Variants in PTPRR observed in about 807,000 individuals in gnomAD.
PTPRR encodes the protein protein tyrosine phosphatase receptor type R.
Under a neutral mutation model 77.2 loss-of-function variants are expected in PTPRR, and 38 were observed. The observed-to-expected ratio is 0.49, with a 90% CI of 0.38 to 0.65. The LOEUF (loss-of-function observed/expected upper bound fraction) is 0.65. Among genes scored for constraint, PTPRR ranks in the 30% least tolerant of loss-of-function variants. PTPRR has a pLI of 0.00. For missense variants in PTPRR, 744 were observed against 799.2 expected (o/e 0.93, Z 0.83); for synonymous variants, 299 against 283.1 (o/e 1.06, Z -0.57).
intron 2 of PTPRR, among the ~76,000 whole-genome samples, chr12:70,886,141 G>T (rs1332211247): frequency 6.6e-6 from 1 of 152,080 alleles, no homozygotes; most frequent in Non-Finnish European, 1.5e-5. Context: ...TTCCAGCATC[G>T]TCCTTGCTGC....
At chr12:70,775,136 TAG>T (rs1184964924) in intron 2 of PTPRR, among the ~76,000 whole-genome samples, 27 of 152,208 alleles carry the variant, frequency 1.8e-4, no homozygotes, top group African/African-American at 6.5e-4. Context: ...CATAATTTCA[TAG>T]AGTTACTACA....
intron 2 of PTPRR, among the ~76,000 whole-genome samples, chr12:70,806,528 C>A (rs1396921469): frequency 6.6e-6 from 1 of 152,106 alleles, no homozygotes; most frequent in Non-Finnish European, 1.5e-5. Flanking sequence ...GAAAGTTAAA[C>A]CATTTGTCAA....
At chr12:70,829,523 T>C (rs1480623370) in intron 2 of PTPRR, among the ~76,000 whole-genome samples, 1 of 152,216 alleles carries the variant, frequency 6.6e-6, no homozygotes, top group African/African-American at 2.4e-5. Context: ...TCATTGATGG[T>C]GGGATCTAAG....
chr12:70,800,334 G>A (rs909960034), intron 2 of PTPRR, among the ~76,000 whole-genome samples: 4 of 150,834 alleles, frequency 2.7e-5, no homozygotes, highest in South Asian at 2.1e-4. Flanking sequence ...TACAAAATGC[G>A]ATATGGTATC....
chr12:70,882,984 T>G (rs772597089), intron 2 of PTPRR, among the ~76,000 whole-genome samples: 10 of 152,162 alleles, frequency 6.6e-5, no homozygotes, highest in Non-Finnish European at 1.3e-4. Flanking sequence ...ATTTAAAAGA[T>G]AATGAAGGCT....
chr12:70,684,872 G>C, intron 8 of PTPRR, 89 bp from the exon 9 acceptor site: 1 of 817,682 alleles, frequency 1.2e-6, no homozygotes, highest in Non-Finnish European at 1.9e-6. Context: ...GTAGAAACCT[G>C]TTATGTATTG....
intron 2 of PTPRR, among the ~76,000 whole-genome samples, chr12:70,826,525 C>T (rs988554377): frequency 1.3e-5 from 2 of 152,176 alleles, no homozygotes; most frequent in African/African-American, 4.8e-5. Context: ...AAGAATCCAG[C>T]CCCATGACAG....
intron 8 of PTPRR, among the ~76,000 whole-genome samples, chr12:70,697,414 G>A (rs1176748985): frequency 6.6e-6 from 1 of 151,806 alleles, no homozygotes; most frequent in Non-Finnish European, 1.5e-5. Flanking sequence ...TGGGTTGTTT[G>A]TGTTTCTATT....
At chr12:70,754,698 G>GTAC (rs1565683636) in intron 4 of PTPRR, 1 of 1,595,136 alleles carries the variant, frequency 6.3e-7, no homozygotes, top group Admixed American at 1.7e-5. Context: ...ATTACGTGCT[G>GTAC]TACTACCTCT....
Position 70,879,556 on chromosome 12 carries a change from T to C in PTPRR, c.357+13123A>G, listed in dbSNP as rs1035913067. Among the ~76,000 whole-genome samples the C allele has an allele frequency of 2.6e-5, 4 of 152,334 alleles. No homozygotes were observed. In the East Asian group the frequency reaches 5.8e-4, roughly 22 times the overall value. ...AAGCTGCTCACATTAGGAAGGAGAA[T>C]TGGTCCCCAACATTAAGATTGGACT... is the stretch of plus-strand genomic sequence containing the variant. On this transcript the variant is annotated intron_variant, in intron 2 of 13. Transcript: ENST00000283228.
chr12:70,869,510 G>T (rs1030124546), intron 2 of PTPRR, among the ~76,000 whole-genome samples: 3 of 152,200 alleles, frequency 2.0e-5, no homozygotes, highest in African/African-American at 7.2e-5. Context: ...GGCCCCCAAA[G>T]AGGTCTGTGT....
intron 12 of PTPRR, 32 bp from the exon 13 acceptor site, chr12:70,656,849 G>A (rs768640820): frequency 1.4e-5 from 19 of 1,403,338 alleles, no homozygotes; most frequent in East Asian, 9.1e-5. Flanking sequence ...TTTAAAAAGT[G>A]GGGGAAAATG....
intron 2 of PTPRR, among the ~76,000 whole-genome samples, chr12:70,790,511 G>A (rs368264422): frequency 2.0e-5 from 3 of 152,022 alleles, no homozygotes; most frequent in East Asian, 1.9e-4. Context: ...ACAGCCCAAT[G>A]CTCAATTCTT....
intron 10 of PTPRR, among the ~76,000 whole-genome samples, chr12:70,682,067 G>A (rs1356077801): frequency 7.5e-4 from 81 of 108,246 alleles, no homozygotes; most frequent in African/African-American, 2.2e-3. Context: ...TTTTTGAGAC[G>A]GAGTCTCGCT....
chr12:70,867,850 T>C (rs1366247641), intron 2 of PTPRR, among the ~76,000 whole-genome samples: 1 of 152,022 alleles, frequency 6.6e-6, no homozygotes, highest in Non-Finnish European at 1.5e-5. Flanking sequence ...TACAGATCAA[T>C]GGAACAGAAC....
At chr12:70,765,039 C>T (rs1890782922) in intron 2 of PTPRR, among the ~76,000 whole-genome samples, 1 of 152,080 alleles carries the variant, frequency 6.6e-6, no homozygotes, top group Non-Finnish European at 1.5e-5. Context: ...GCCAAGATGG[C>T]CAAATAGGAA....
chr12:70,746,271 T>C (rs1052479129), intron 5 of PTPRR, among the ~76,000 whole-genome samples, 185 bp from the exon 6 acceptor site: 7 of 152,212 alleles, frequency 4.6e-5, no homozygotes, highest in Non-Finnish European at 7.3e-5. Context: ...GTACACTTGG[T>C]ATTTCCAGTT....
At chr12:70,648,986 G>A (rs1014609875) in intron 13 of PTPRR, among the ~76,000 whole-genome samples, 19 of 152,298 alleles carry the variant, frequency 1.2e-4, no homozygotes, top group African/African-American at 4.6e-4. Context: ...ATTAATAGAA[G>A]TTGTCACAAA....
chr12:70,684,935 T>C, intron 8 of PTPRR, 152 bp from the exon 9 acceptor site: 2 of 529,522 alleles, frequency 3.8e-6, no homozygotes, highest in Non-Finnish European at 6.6e-6. Context: ...TTGATCCATA[T>C]GTTTATTGAG....
Sources: gnomAD v4.1 joint callset for allele counts (sites outside exome capture counted in the v4.1 genomes callset) on GRCh38, gnomAD v4.1.1 for gene constraint, MANE v1.5 for transcripts, NCBI Gene and HGNC (gene_info 2026-07-23, HGNC 2026-07-21) for gene names.